The following CDH11 variants were observed in gnomAD, a reference collection of about 807,000 sequenced individuals.
The protein encoded by CDH11 is cadherin 11.
Under a neutral mutation model 67.8 loss-of-function variants are expected in CDH11, and 11 were observed. The ratio of observed to expected loss-of-function variants is 0.16; its 90% CI spans 0.10 to 0.27. The LOEUF (loss-of-function observed/expected upper bound fraction) is 0.27. Ranked by LOEUF, CDH11 falls within the 10% of genes least tolerant of loss-of-function variation. The probability of loss-of-function intolerance (pLI) is 1.00; values close to 1 mark genes in which losing one functional copy is unlikely to be tolerated. For synonymous variants in CDH11, 419 were observed against 400.0 expected, an observed-to-expected ratio of 1.05 and a Z score of -0.57; for missense variants, 847 against 1,031.2, an observed-to-expected ratio of 0.82 and a Z score of 2.45.
At chr16:65,115,519 G>C (rs1302212118) in intron 1 of CDH11, among the ~76,000 whole-genome samples, 1 of 152,016 alleles carries the variant, frequency 6.6e-6, no homozygotes, top group Non-Finnish European at 1.5e-5. Context: ...AAGGCTCATC[G>C]TGAGCTAGGC....
At chr16:65,019,249 G>A in intron 2 of CDH11, among the ~76,000 whole-genome samples, 1 of 152,140 alleles carries the variant, frequency 6.6e-6, no homozygotes, top group East Asian at 1.9e-4. Flanking sequence ...TGGCAAGTTT[G>A]TCAAATATCA....
chr16:65,010,963 A>ATG (rs765455585), intron 2 of CDH11, among the ~76,000 whole-genome samples: 33 of 125,606 alleles, frequency 2.6e-4, no homozygotes, highest in Admixed American at 1.2e-3. Flanking sequence ...ATATATATAT[A>ATG]TATGTGTTTA....
intron 7 of CDH11, 114 bp downstream of exon 7, chr16:64,988,043 G>T: frequency 2.7e-6 from 2 of 746,470 alleles, no homozygotes; most frequent in Non-Finnish European, 4.4e-6. Flanking sequence ...AGTCAGGTCA[G>T]CCCCTGGTTT....
intron 8 of CDH11, 52 bp downstream of exon 8, chr16:64,981,996 C>G (rs2072362936): frequency 1.3e-6 from 2 of 1,530,296 alleles, no homozygotes; most frequent in East Asian, 2.3e-5. Flanking sequence ...TTCCCAGAAC[C>G]TCTTGACTCT....
intron 1 of CDH11, among the ~76,000 whole-genome samples, chr16:65,104,088 A>G (rs895401922): frequency 2.6e-5 from 4 of 152,194 alleles, no homozygotes; most frequent in Non-Finnish European, 5.9e-5. Context: ...AAAAGCTCAA[A>G]AACAAAGGAT....
At chr16:65,054,082 G>A (rs538512878) in intron 1 of CDH11, among the ~76,000 whole-genome samples, 154 bp from the exon 2 acceptor site, 8 of 152,274 alleles carry the variant, frequency 5.3e-5, no homozygotes, top group South Asian at 2.1e-4. Context: ...CTAAAATTAC[G>A]TGAAAAGTGG....
intron 1 of CDH11, among the ~76,000 whole-genome samples, chr16:65,076,138 T>C (rs1048184439): frequency 2.0e-5 from 3 of 152,138 alleles, no homozygotes; most frequent in African/African-American, 4.8e-5. Context: ...GGTGCAGTAA[T>C]TGTGTTTCAG....
At chr16:65,107,421 C>T (rs1567583467) in intron 1 of CDH11, among the ~76,000 whole-genome samples, 1 of 152,182 alleles carries the variant, frequency 6.6e-6, no homozygotes, top group Non-Finnish European at 1.5e-5. Flanking sequence ...CTTCCACCCT[C>T]GTGCTGGCTT....
chr16:64,971,730 G>A (rs762199530), intron 10 of CDH11, 34 bp from the exon 11 acceptor site: 10 of 1,476,052 alleles, frequency 6.8e-6, no homozygotes, highest in Non-Finnish European at 9.4e-6. Context: ...AATAAATCAT[G>A]CTGACATTGG....
intron 1 of CDH11, among the ~76,000 whole-genome samples, chr16:65,094,430 C>T (rs531624109): frequency 6.6e-6 from 1 of 152,066 alleles, no homozygotes; most frequent in East Asian, 1.9e-4. Flanking sequence ...GAAAACTACA[C>T]ACACACACAC....
chr16:64,953,024 G>A (rs2071404054), intron 11 of CDH11, among the ~76,000 whole-genome samples: 1 of 152,054 alleles, frequency 6.6e-6, no homozygotes, highest in Non-Finnish European at 1.5e-5. Context: ...TCTCCCATAT[G>A]TGTTAAATGA....
At chr16:64,968,526 G>T in intron 11 of CDH11, 1 of 985,316 alleles carries the variant, frequency 1.0e-6, no homozygotes. Flanking sequence ...GAATCATCCA[G>T]TGTTCTATTT....
At chr16:64,952,121 A>G (rs2071379216) in intron 11 of CDH11, among the ~76,000 whole-genome samples, 1 of 152,106 alleles carries the variant, frequency 6.6e-6, no homozygotes, top group African/African-American at 2.4e-5. Flanking sequence ...TTTATCCACT[A>G]CTGTCTTGCT....
At chr16:65,090,835 C>G (rs1179310456) in intron 1 of CDH11, among the ~76,000 whole-genome samples, 2 of 152,156 alleles carry the variant, frequency 1.3e-5, no homozygotes, top group African/African-American at 4.8e-5. Flanking sequence ...TCATCAGAAA[C>G]AGATGGAAAC....
intron 8 of CDH11, chr16:64,981,561 A>G (rs2072350414): frequency 6.6e-6 from 1 of 152,292 alleles, no homozygotes; most frequent in South Asian, 2.1e-4. Context: ...TGGCTGTATC[A>G]TTCCAGGCAA....
intron 12 of CDH11, chr16:64,948,765 G>C: frequency 6.2e-7 from 1 of 1,600,674 alleles, no homozygotes; most frequent in East Asian, 2.2e-5. Flanking sequence ...TGGGAGAGGG[G>C]GGTTCCATTA....
rs2075323305 is a variant in CDH11 at position 65,121,181 on chromosome 16, G to A, written c.-298+699C>T. 6.6e-6 allele frequency among the ~76,000 whole-genome samples: 1 copy of A among 152,198 alleles called. No individual in the cohort carries two copies. The highest frequency in any genetic ancestry group is 1.5e-5 in the Non-Finnish European group (1 of 68,046). ...CTCATGGACCTACTCCTGCGCTGGT[G>A]GGAGCTTACAAACGGGCGCCAGAGC... On this transcript the variant is annotated intron_variant, in intron 1 of 12. Coordinates refer to ENST00000268603, the MANE Select transcript of CDH11 (RefSeq NM_001797.4). The surrounding 1 kb of genome is among the most constrained non-coding windows in gnomAD (Gnocchi z 4.1).
chr16:64,977,340 G>A (rs540562149), intron 8 of CDH11, among the ~76,000 whole-genome samples: 1 of 152,206 alleles, frequency 6.6e-6, no homozygotes, highest in African/African-American at 2.4e-5. Flanking sequence ...CATGGAAATT[G>A]CCTACATGCA....
intron 2 of CDH11, among the ~76,000 whole-genome samples, chr16:65,009,978 G>A (rs968432082): frequency 5.3e-5 from 8 of 152,250 alleles, no homozygotes; most frequent in African/African-American, 1.7e-4. Context: ...TGACATATAC[G>A]GGTGTTTAAG....
Sources: gnomAD v4.1 joint callset for allele counts (sites outside exome capture counted in the v4.1 genomes callset) on GRCh38, gnomAD v4.1.1 for gene constraint, Gnocchi (gnomAD v3.1) non-coding constraint, MANE v1.5 for transcripts, NCBI Gene and HGNC (gene_info 2026-07-23, HGNC 2026-07-21) for gene names.